The following NOS1AP variants were observed in gnomAD, a reference collection of about 807,000 sequenced individuals.
NOS1AP encodes the protein carboxyl-terminal PDZ ligand of neuronal nitric oxide synthase protein.
A neutral mutation model predicts 56.2 loss-of-function variants in NOS1AP; 21 were observed. That is an observed-to-expected ratio of 0.37 (90% CI 0.26 to 0.54). The LOEUF is 0.54. Among genes scored for constraint, NOS1AP ranks in the 20% least tolerant of loss-of-function variants. NOS1AP has a pLI of 0.84. For synonymous variants in NOS1AP, 270 were observed against 274.6 expected (o/e 0.98, Z 0.17); for missense variants, 522 against 657.8 (o/e 0.79, Z 2.26).
chr1:162,320,468 A>G (rs941279385), intron 4 of NOS1AP, among the ~76,000 whole-genome samples: 8 of 152,180 alleles, frequency 5.3e-5, no homozygotes, highest in African/African-American at 1.9e-4. Flanking sequence ...AAGCAAAAGG[A>G]TAAACTTGAG....
chr1:162,197,761 T>C (rs753473488), intron 2 of NOS1AP, among the ~76,000 whole-genome samples: 30 of 152,304 alleles, frequency 2.0e-4, no homozygotes, highest in Non-Finnish European at 3.5e-4. Context: ...GGGCCAACTG[T>C]CCAGAATGTC....
intron 2 of NOS1AP, among the ~76,000 whole-genome samples, chr1:162,277,245 G>T (rs1014483698): frequency 2.0e-5 from 3 of 152,146 alleles, no homozygotes; most frequent in African/African-American, 7.2e-5. Context: ...TTTATTGTAA[G>T]AAACTACTTT....
intron 2 of NOS1AP, among the ~76,000 whole-genome samples, chr1:162,226,345 C>T (rs547736992): frequency 1.3e-5 from 2 of 152,242 alleles, no homozygotes; most frequent in South Asian, 4.1e-4. Context: ...GGGGATTTAG[C>T]CTTGAGCAAA....
At chr1:162,205,628 T>C (rs2102171268) in intron 2 of NOS1AP, among the ~76,000 whole-genome samples, 1 of 152,276 alleles carries the variant, frequency 6.6e-6, no homozygotes, top group Middle Eastern at 3.4e-3. Flanking sequence ...TTCCGGGGAG[T>C]ATTCCGGTGT....
chr1:162,289,665 A>G (rs1438350773), intron 3 of NOS1AP, among the ~76,000 whole-genome samples: 3 of 151,854 alleles, frequency 2.0e-5, no homozygotes, highest in African/African-American at 4.8e-5. Flanking sequence ...TAGTAGAGAC[A>G]GGGTTTCGCC....
At chr1:162,337,769 G>T (rs1343104825) in intron 5 of NOS1AP, among the ~76,000 whole-genome samples, 5 of 152,118 alleles carry the variant, frequency 3.3e-5, no homozygotes, top group Non-Finnish European at 5.9e-5. Flanking sequence ...AATCACACCT[G>T]CTTTGAAACT....
chr1:162,286,820 T>A (rs542732134), intron 2 of NOS1AP, among the ~76,000 whole-genome samples: 1 of 152,258 alleles, frequency 6.6e-6, no homozygotes, highest in African/African-American at 2.4e-5. Flanking sequence ...CTAGCAGGGC[T>A]GTGGGTAGAC....
chr1:162,134,967 A>G (rs1031478750), intron 1 of NOS1AP, among the ~76,000 whole-genome samples: 1 of 152,102 alleles, frequency 6.6e-6, no homozygotes, highest in East Asian at 1.9e-4. Context: ...TCAACTCTCC[A>G]TTTCTATGCA....
intron 2 of NOS1AP, among the ~76,000 whole-genome samples, chr1:162,247,020 C>T (rs1016957278): frequency 4.6e-5 from 7 of 152,254 alleles, no homozygotes; most frequent in Admixed American, 2.0e-4. Flanking sequence ...GGATCAAGGA[C>T]GTTAGATCAC....
intron 1 of NOS1AP, among the ~76,000 whole-genome samples, chr1:162,118,512 C>G (rs541545162): frequency 6.6e-6 from 1 of 152,130 alleles, no homozygotes; most frequent in African/African-American, 2.4e-5. Flanking sequence ...GTTGATTCCA[C>G]GTGTTTGCTA....
intron 2 of NOS1AP, among the ~76,000 whole-genome samples, chr1:162,192,418 A>G (rs532313498): frequency 5.9e-5 from 9 of 152,270 alleles, no homozygotes; most frequent in African/African-American, 2.2e-4. Context: ...GTGGGGAGGA[A>G]GGCACTCTGA....
chr1:162,269,087 A>G (rs553947058), intron 2 of NOS1AP, among the ~76,000 whole-genome samples: 132 of 152,326 alleles, frequency 8.7e-4, no homozygotes, highest in African/African-American at 3.1e-3. Flanking sequence ...CACACCAAAG[A>G]TCAATTTCTT....
At chr1:162,210,692 C>T (rs1437366009) in intron 2 of NOS1AP, among the ~76,000 whole-genome samples, 1 of 152,226 alleles carries the variant, frequency 6.6e-6, no homozygotes, top group Non-Finnish European at 1.5e-5. Flanking sequence ...GGTGACTCCT[C>T]CTTCTCCTGG....
At chr1:162,265,178 C>T (rs1654379796) in intron 2 of NOS1AP, among the ~76,000 whole-genome samples, 1 of 151,990 alleles carries the variant, frequency 6.6e-6, no homozygotes, top group Non-Finnish European at 1.5e-5. Context: ...GAAGCCTTCC[C>T]TCTCTTTCCT....
At position 162,092,097 on chromosome 1, in the gene NOS1AP, G is replaced by A. The variant is rs35899595; in HGVS notation, c.105+21815G>A. Among the ~76,000 whole-genome samples the A allele has an allele frequency of 9.6e-3, 1,459 of 152,306 alleles. 14 individuals carry two copies. Among genetic ancestry groups the A allele is most frequent in the South Asian group, 0.04 (193 of 4,810 alleles). ...GTGGATCCAACAAAGGATGGGATTG[G>A]CATTGCAGCTTGTCCTGAACTCTCC... On this transcript the variant is annotated intron_variant, in intron 1 of 9. Coordinates refer to ENST00000361897, the MANE Select transcript of NOS1AP (RefSeq NM_014697.3).
rs753805077 is a variant in NOS1AP at position 162,369,346 on chromosome 1, G to T, written c.*1879G>T. 3 of 152,214 alleles carry T rather than the reference G, an allele frequency of 2.0e-5. No individual in the cohort carries two copies. Among genetic ancestry groups the T allele is most frequent in the Non-Finnish European group, 4.4e-5 (3 of 68,042 alleles). The allele number at this position is 152,214 out of a possible 1,614,324, so 9.4% of individuals were successfully genotyped here. A position where few individuals can be genotyped will look rare whatever the true frequency, so the allele number is the denominator to read the frequency against. On this transcript the variant is annotated 3_prime_UTR_variant, in exon 10 of 10. Coordinates refer to ENST00000361897, the MANE Select transcript of NOS1AP (RefSeq NM_014697.3). ...TGAGATCCATGAAACTAAATGAGCA[G>T]CTGTCAGAATCCAGTGTGGCTGAGC...
chr1:162,086,836 T>A (rs969111418), intron 1 of NOS1AP, among the ~76,000 whole-genome samples: 2 of 152,144 alleles, frequency 1.3e-5, no homozygotes, highest in African/African-American at 4.8e-5. Flanking sequence ...GGGTCTCATT[T>A]TTCTTTTACT....
intron 1 of NOS1AP, 129 bp from the exon 2 acceptor site, chr1:162,154,276 C>A: frequency 1.3e-6 from 1 of 763,506 alleles, no homozygotes; most frequent in Non-Finnish European, 2.3e-6. Flanking sequence ...AAACAAAACA[C>A]CCTGCTGGCT....
At chr1:162,103,368 A>G (rs902246689) in intron 1 of NOS1AP, among the ~76,000 whole-genome samples, 1 of 151,680 alleles carries the variant, frequency 6.6e-6, no homozygotes. Context: ...GATCAATTTT[A>G]CAGTAAGTGC....
Sources: allele counts gnomAD v4.1 joint callset (sites outside exome capture counted in the v4.1 genomes callset), GRCh38; gene constraint gnomAD v4.1.1; transcripts MANE v1.5; gene names NCBI Gene and HGNC (gene_info 2026-07-23, HGNC 2026-07-21).